TSHZ2: variants seen among roughly 807,000 people sequenced by gnomAD.
TSHZ2 encodes teashirt zinc finger homeobox 2.
In TSHZ2, 21 loss-of-function variants were observed where a neutral mutation model predicts 74.4. The observed-to-expected ratio is 0.28, with a 90% CI of 0.20 to 0.41. TSHZ2 has a LOEUF of 0.41. TSHZ2 is among the 10% of genes least tolerant of loss of function. The probability of loss-of-function intolerance (pLI) is 1.00; values close to 1 mark genes in which losing one functional copy is unlikely to be tolerated. For synonymous variants in TSHZ2, 540 were observed against 515.3 expected (o/e 1.05, Z -0.65); for missense variants, 1,244 against 1,293.5 (o/e 0.96, Z 0.59).
At chr20:53,141,768 C>A (rs186544670) in intron 1 of TSHZ2, among the ~76,000 whole-genome samples, 2 of 152,238 alleles carry the variant, frequency 1.3e-5, no homozygotes, top group Non-Finnish European at 2.9e-5. Context: ...GTGCCTTGCA[C>A]TTATTCATTT....
intron 1 of TSHZ2, among the ~76,000 whole-genome samples, chr20:53,084,683 C>T (rs1985640258): frequency 1.3e-5 from 1 of 79,682 alleles, no homozygotes; most frequent in Non-Finnish European, 2.5e-5. Context: ...CCCTCCCTCC[C>T]TCCCTCCCTC....
chr20:53,237,611 A>C (rs1989971275), intron 1 of TSHZ2, among the ~76,000 whole-genome samples: 1 of 152,056 alleles, frequency 6.6e-6, no homozygotes, highest in Admixed American at 6.6e-5. Context: ...AAAAGATGAG[A>C]TCATTTGTAA....
intron 2 of TSHZ2, among the ~76,000 whole-genome samples, chr20:53,264,776 C>T (rs1600776727): frequency 6.6e-6 from 1 of 152,300 alleles, no homozygotes; most frequent in Admixed American, 6.5e-5. Context: ...CACTTGGGTG[C>T]TCTACAGGGA....
chr20:53,309,013 G>A (rs1461650871), intron 2 of TSHZ2, among the ~76,000 whole-genome samples: 2 of 152,190 alleles, frequency 1.3e-5, no homozygotes, highest in Non-Finnish European at 2.9e-5. Context: ...GGCCATTCAG[G>A]TTCTTCACAT....
chr20:53,220,164 G>C (rs10485450), intron 1 of TSHZ2, among the ~76,000 whole-genome samples: 1,597 of 152,172 alleles, frequency 0.01, 36 homozygotes, highest in African/African-American at 0.036. Context: ...TCAAAATAAC[G>C]CATTTAGCTA....
At chr20:53,250,491 T>C (rs988559146) in intron 1 of TSHZ2, among the ~76,000 whole-genome samples, 1 of 152,032 alleles carries the variant, frequency 6.6e-6, no homozygotes, top group African/African-American at 2.4e-5. Flanking sequence ...GGTGTTTTTT[T>C]AAAAAAAACT....
At chr20:52,994,000 T>C (rs187537301) in intron 1 of TSHZ2, among the ~76,000 whole-genome samples, 4 of 152,292 alleles carry the variant, frequency 2.6e-5, no homozygotes, top group East Asian at 1.9e-4. Context: ...ATTCCAAGAA[T>C]AACACAAAAG....
At position 53,085,456 on chromosome 20, in the gene TSHZ2, T is replaced by C. The variant is rs530659535; in HGVS notation, c.40+112123T>C. On this transcript the variant is annotated intron_variant, in intron 1 of 2. Coordinates refer to ENST00000371497, the MANE Select transcript of TSHZ2 (RefSeq NM_173485.6). ...TGCATGTCTTGGAGAATCTGAAATATGACCAGGCTGTCAGTGGGGAAACAC... is the reference window on the plus strand; with the variant it reads ...TGCATGTCTTGGAGAATCTGAAATACGACCAGGCTGTCAGTGGGGAAACAC... Among the ~76,000 whole-genome samples the C allele has an allele frequency of 3.3e-4, 50 of 152,312 alleles. No homozygotes were observed. In the South Asian group the frequency reaches 8.7e-3, roughly 27 times the overall value.
rs183250259 is a variant in TSHZ2, at chr20:53,339,923, A to G, written c.*8+83352A>G. On this transcript the variant is annotated intron_variant, in intron 2 of 2. Coordinates refer to ENST00000371497, the MANE Select transcript of TSHZ2 (RefSeq NM_173485.6). ...ACTTCCCAGCCCACCTGCAGCTCTCATCTGCCCCCCAAATCCCAATGTGTG... is the reference window on the plus strand; with the variant it reads ...ACTTCCCAGCCCACCTGCAGCTCTCGTCTGCCCCCCAAATCCCAATGTGTG... Among the ~76,000 whole-genome samples, 33 of 152,258 alleles carry G rather than the reference A, an allele frequency of 2.2e-4. No individual in the cohort carries two copies. In the East Asian group the frequency reaches 5.4e-3, roughly 25 times the overall value.
intron 2 of TSHZ2, among the ~76,000 whole-genome samples, chr20:53,290,822 A>T (rs1053503791): frequency 2.0e-4 from 31 of 152,318 alleles, no homozygotes; most frequent in African/African-American, 7.5e-4. Context: ...AGTGCTACCT[A>T]TGTCAAGGGT....
intron 2 of TSHZ2, among the ~76,000 whole-genome samples, chr20:53,345,953 C>T (rs1420099111): frequency 6.6e-6 from 1 of 152,152 alleles, no homozygotes; most frequent in African/African-American, 2.4e-5. Context: ...GAGGGGCCGA[C>T]CCACTCCGAG....
chr20:53,001,793 C>A (rs1043119929), intron 1 of TSHZ2, among the ~76,000 whole-genome samples: 21 of 152,130 alleles, frequency 1.4e-4, no homozygotes, highest in African/African-American at 5.1e-4. Flanking sequence ...TATGTCTTCC[C>A]TATTGAGTTT....
intron 2 of TSHZ2, among the ~76,000 whole-genome samples, chr20:53,335,412 G>T (rs927611424): frequency 6.6e-5 from 10 of 152,194 alleles, no homozygotes; most frequent in African/African-American, 2.4e-4. Context: ...GACAGGATCA[G>T]ACTTCTCCAG....
chr20:53,260,831 GT>G (rs1990586876), intron 2 of TSHZ2, among the ~76,000 whole-genome samples: 1 of 152,172 alleles, frequency 6.6e-6, no homozygotes, highest in African/African-American at 2.4e-5. Flanking sequence ...ACCATGCTCT[GT>G]AGCCTCACCT....
chr20:53,486,631 G>C (rs1280756389), intron 2 of TSHZ2, among the ~76,000 whole-genome samples: 1 of 152,144 alleles, frequency 6.6e-6, no homozygotes, highest in African/African-American at 2.4e-5. Context: ...CGTGAGCCGT[G>C]ATGATGCCAC....
chr20:53,354,890 T>C (rs1980788679), intron 2 of TSHZ2, among the ~76,000 whole-genome samples: 1 of 152,260 alleles, frequency 6.6e-6, no homozygotes, highest in Non-Finnish European at 1.5e-5. Flanking sequence ...CAACTACTTT[T>C]AATGACTGCA....
At chr20:52,977,995 A>G (rs1207760419) in intron 1 of TSHZ2, among the ~76,000 whole-genome samples, 2 of 152,194 alleles carry the variant, frequency 1.3e-5, no homozygotes, top group African/African-American at 4.8e-5. Flanking sequence ...CTACTGCTAC[A>G]CTTTGGGAAT....
chr20:53,176,592 A>C (rs1988343413), intron 1 of TSHZ2, among the ~76,000 whole-genome samples: 1 of 152,192 alleles, frequency 6.6e-6, no homozygotes, highest in Non-Finnish European at 1.5e-5. Flanking sequence ...ATTATTTCAC[A>C]GGGCTTAAGT....
At chr20:53,322,476 A>G (rs189922) in intron 2 of TSHZ2, among the ~76,000 whole-genome samples, 75,221 of 151,626 alleles carry the variant, frequency 0.5, 19,004 homozygotes, top group Non-Finnish European at 0.55. Context: ...TGGCACCACC[A>G]CATTCCAGCC....
Sources: allele counts gnomAD v4.1 joint callset (sites outside exome capture counted in the v4.1 genomes callset), GRCh38; gene constraint gnomAD v4.1.1; transcripts MANE v1.5; gene names NCBI Gene and HGNC (gene_info 2026-07-23, HGNC 2026-07-21).